The following URGCP variants were observed in gnomAD, a reference collection of about 807,000 sequenced individuals.
URGCP encodes upregulator of cell proliferation.
Under a neutral mutation model 24.6 loss-of-function variants are expected in URGCP, and 13 were observed. The ratio of observed to expected loss-of-function variants is 0.53; its 90% CI spans 0.34 to 0.84. The LOEUF is 0.84. Among genes scored for constraint, URGCP ranks in the 40% least tolerant of loss-of-function variants. The pLI is 0.01. For synonymous variants in URGCP, 444 were observed against 487.2 expected, an observed-to-expected ratio of 0.91 and a Z score of 1.17; for missense variants, 899 against 1,194.3, an observed-to-expected ratio of 0.75 and a Z score of 3.64.
chr7:43,889,551 T>C (rs1310692082), intron 1 of URGCP: 1 of 152,178 alleles, frequency 6.6e-6, no homozygotes, highest in Admixed American at 6.5e-5. Context: ...ACCATATATG[T>C]TTTTCTGATT....
chr7:43,900,939 C>T (rs2095889478), intron 1 of URGCP, among the ~76,000 whole-genome samples: 1 of 152,190 alleles, frequency 6.6e-6, no homozygotes, highest in Admixed American at 6.5e-5. Context: ...GTAATCACAA[C>T]AAAAACTACA....
Position 43,879,135 on chromosome 7 carries a change from C to T in URGCP, c.328G>A (p.Val110Ile), listed in dbSNP as rs2095850247. Residue 110 changes from valine to isoleucine, a missense_variant, in exon 6 of 6, where the codon GTT becomes ATT. Physicochemically the swap from Val to Ile is conservative, Grantham distance 29. Transcript: ENST00000453200. Reference sequence around the variant, plus strand: ...AAATTCCAGGGCAAGTCTTTGGGAACCTGAGGGGCCCAGTTCTTCATACTG... The same window carrying T: ...AAATTCCAGGGCAAGTCTTTGGGAATCTGAGGGGCCCAGTTCTTCATACTG... ...FDSMKNWAPQ[V>I]PKDLPWNFLR... 6.2e-7 allele frequency: 1 copy of T among 1,614,168 alleles called. No homozygotes were observed. The highest frequency in any genetic ancestry group is 8.5e-7 in the Non-Finnish European group (1 of 1,180,032).
At chr7:43,922,952 TTC>T (rs955767377) in intron 1 of URGCP, among the ~76,000 whole-genome samples, 1 of 151,568 alleles carries the variant, frequency 6.6e-6, no homozygotes, top group African/African-American at 2.4e-5. Flanking sequence ...CCTTCTCTCT[TTC>T]TCTCTCTTTC....
Position 43,877,111 on chromosome 7 carries a change from G to A in URGCP, c.2352C>T (p.Val784=). Residue 784 remains valine (V), a synonymous_variant, in exon 6 of 6, where the codon GTC becomes GTT. Transcript: ENST00000453200. ...TGGTTTCAGCTAGACTGATCACGGT[G>A]ACATTGCTCAGTCCCATGAGCAGAG... The part of the protein sequence containing the change: ...LATLLMGLSN[V]TVISLAETKD... The A allele has an allele frequency of 6.2e-7, 1 of 1,614,232 alleles. No homozygotes were observed. Among genetic ancestry groups the A allele is most frequent in the South Asian group, 1.1e-5 (1 of 91,086 alleles).
chr7:43,882,073 G>C (rs2095854777), intron 3 of URGCP, 116 bp from the exon 4 acceptor site: 6 of 1,532,580 alleles, frequency 3.9e-6, no homozygotes, highest in Non-Finnish European at 4.4e-6. Context: ...CTGAACAAGA[G>C]GAGTGCTTGA....
intron 3 of URGCP, among the ~76,000 whole-genome samples, chr7:43,885,245 C>A (rs117009202): frequency 6.6e-6 from 1 of 152,028 alleles, no homozygotes; most frequent in South Asian, 2.1e-4. Flanking sequence ...AGACTACAGG[C>A]GCCCACCATC....
chr7:43,897,196 C>G (rs191621693), intron 1 of URGCP, among the ~76,000 whole-genome samples: 106 of 145,400 alleles, frequency 7.3e-4, no homozygotes, highest in African/African-American at 2.5e-3. Flanking sequence ...GAATGAGACT[C>G]TGTCTCAAAA....
Position 43,878,725 on chromosome 7 carries a change from G to T in URGCP, c.738C>A (p.Gly246=). The change falls in exon 6 of 6, where the codon GGC becomes GGA. Residue 246 remains glycine (G), a synonymous_variant. Coordinates refer to ENST00000453200, the MANE Select transcript of URGCP (RefSeq NM_001077663.3). This position sits in a 1 kb window ranked among gnomAD's most constrained non-coding sequence, Gnocchi z 5.6. ...CGCTGTCTTCCCGGAAGCTCCCCAT[G>T]CCCCTTGGGGGCTGGGACCACCATG... is the stretch of plus-strand genomic sequence containing the variant. ...VRTWWSQPPR[G]MGSFREDSVV... 1 of 1,614,130 alleles carries T rather than the reference G, an allele frequency of 6.2e-7. No homozygotes were observed. Among genetic ancestry groups the T allele is most frequent in the Non-Finnish European group, 8.5e-7 (1 of 1,180,008 alleles).
chr7:43,919,231 G>A, intron 1 of URGCP: 1 of 849,448 alleles, frequency 1.2e-6, no homozygotes, highest in Non-Finnish European at 2.1e-6. Flanking sequence ...GACAAGATGA[G>A]CAACGTGGTG....
At chr7:43,885,423 C>G (rs561393300) in intron 3 of URGCP, among the ~76,000 whole-genome samples, 1 of 152,198 alleles carries the variant, frequency 6.6e-6, no homozygotes, top group South Asian at 2.1e-4. Flanking sequence ...TTTAATACAA[C>G]TTGTTTTTAA....
upstream of URGCP, chr7:43,926,558 T>C (rs1187852825): frequency 1.3e-6 from 2 of 1,570,068 alleles, no homozygotes; most frequent in Non-Finnish European, 1.7e-6. Context: ...ATCCAGAAGG[T>C]ACGCACTTTC....
intron 1 of URGCP, among the ~76,000 whole-genome samples, chr7:43,923,597 T>A (rs759041152): frequency 2.2e-4 from 33 of 152,284 alleles, no homozygotes; most frequent in South Asian, 4.1e-4. Flanking sequence ...CTGATTTTTT[T>A]AAAATGTGCT....
chr7:43,884,801 C>G (rs1034329549), intron 3 of URGCP, among the ~76,000 whole-genome samples: 4 of 152,136 alleles, frequency 2.6e-5, no homozygotes, highest in Non-Finnish European at 5.9e-5. Flanking sequence ...CACCACTGTA[C>G]TCCGGCTTGA....
chr7:43,918,266 AAAAAAAAAAAAAAAAG>A (rs1034789721), intron 1 of URGCP, among the ~76,000 whole-genome samples: 46 of 151,018 alleles, frequency 3.0e-4, no homozygotes, highest in African/African-American at 1.1e-3. Context: ...AGACCTCAAA[AAAAAAAAAAAAAAAAG>A]AAAGAAAAAA....
chr7:43,882,092 G>A, intron 3 of URGCP, 135 bp from the exon 4 acceptor site: 1 of 1,444,500 alleles, frequency 6.9e-7, no homozygotes, highest in Non-Finnish European at 9.2e-7. Context: ...GAGTCCAGGA[G>A]TTTGAGACCA....
In URGCP at chr7:43,876,909, T is replaced by TCTGGG. The variant is rs1345789040; in HGVS notation, c.2549_2553dup (p.Met852ProfsTer42). 1 of 1,613,920 alleles carries TCTGGG rather than the reference T, an allele frequency of 6.2e-7. No individual in the cohort carries two copies. The highest frequency in any genetic ancestry group is 8.5e-7 in the Non-Finnish European group (1 of 1,180,004). Reference sequence around the variant, plus strand: ...CGGAAGCCGTCGCCCTGTTTCTCCATCTGGGCTGCAGCCCTGCTCAGGTCA... The same window carrying TCTGGG: ...CGGAAGCCGTCGCCCTGTTTCTCCATCTGGGCTGGGCTGCAGCCCTGCTCAGGTCA... On this transcript the variant is annotated frameshift_variant, in exon 6 of 6. Transcript: ENST00000453200. LOFTEE classifies it high-confidence loss of function.
intron 1 of URGCP, chr7:43,906,179 T>G (rs1232537093): frequency 6.6e-6 from 1 of 151,970 alleles, no homozygotes; most frequent in East Asian, 1.9e-4. Context: ...TTTCCAGGCC[T>G]CCGCGGGTTG....
At chr7:43,896,894 T>C (rs2095879392) in intron 1 of URGCP, among the ~76,000 whole-genome samples, 1 of 152,210 alleles carries the variant, frequency 6.6e-6, no homozygotes, top group South Asian at 2.1e-4. Context: ...TTATTATTTA[T>C]TGTAGATTTA....
chr7:43,897,720 T>C (rs1319513577), intron 1 of URGCP, among the ~76,000 whole-genome samples: 4 of 152,030 alleles, frequency 2.6e-5, no homozygotes, highest in Admixed American at 6.6e-5. Flanking sequence ...AGGCTGAGAA[T>C]AGACAAGGGA....
Sources: allele counts gnomAD v4.1 joint callset (sites outside exome capture counted in the v4.1 genomes callset), GRCh38; gene constraint gnomAD v4.1.1; non-coding constraint Gnocchi (gnomAD v3.1); transcripts MANE v1.5; gene names NCBI Gene and HGNC (gene_info 2026-07-23, HGNC 2026-07-21).